The following CYP2C19 variants were observed in gnomAD, a reference collection of about 807,000 sequenced individuals.
CYP2C19 encodes the protein cytochrome P450 2C19.
In CYP2C19, 59 loss-of-function variants were observed where a neutral mutation model predicts 40.9. That is an observed-to-expected ratio of 1.44 (90% CI 1.17 to 1.79). The LOEUF is 1.79. CYP2C19 is among the 40% of genes most tolerant of loss of function. The pLI, the probability that CYP2C19 is intolerant of heterozygous loss-of-function variation, is 0.00. For missense variants in CYP2C19, 754 were observed against 596.9 expected, an observed-to-expected ratio of 1.26 and a Z score of -2.74; for synonymous variants, 253 against 208.7, an observed-to-expected ratio of 1.21 and a Z score of -1.83.
At chr10:94,825,432 T>G (rs1270274131) in intron 6 of CYP2C19, among the ~76,000 whole-genome samples, 1 of 150,694 alleles carries the variant, frequency 6.6e-6, no homozygotes, top group African/African-American at 2.5e-5. Flanking sequence ...TTTTCATGTG[T>G]TTTTTGACTG....
At position 94,771,058 on chromosome 10, in the gene CYP2C19, C is replaced by T. The variant is rs1374884186; in HGVS notation, c.169-4000C>T. ...TCTCCAAGTGAGATCGAAGGTTTGC[C>T]CTAGACCCTGTAGGACATCTATGTA... is the stretch of plus-strand genomic sequence containing the variant. On this transcript the variant is annotated intron_variant, in intron 1 of 8. Transcript: ENST00000371321. Among the ~76,000 whole-genome samples the T allele has an allele frequency of 2.6e-5, 4 of 152,066 alleles. No homozygotes were observed. In the South Asian group the frequency reaches 8.3e-4, roughly 31 times the overall value.
At position 94,842,820 on chromosome 10, in the gene CYP2C19, T is replaced by C. The variant is rs1849515786; in HGVS notation, c.962-17T>C. 6.2e-7 allele frequency: 1 copy of C among 1,613,750 alleles called. No homozygotes were observed. The highest frequency in any genetic ancestry group is 1.1e-5 in the South Asian group (1 of 91,082). ...ATTTCTCTCCTTTTCCATCAGTTCT[T>C]ACTTGTGTCTTGTCAGCTAAAGTCC... On this transcript the variant is annotated splice_polypyrimidine_tract_variant and intron_variant, in intron 6 of 8. Transcript: ENST00000371321.
chr10:94,849,909 G>A lies in CYP2C19; in HGVS notation c.1150-8G>A, dbSNP rs780346574. 5.6e-6 allele frequency: 9 copies of A among 1,613,398 alleles called. No homozygotes were observed. Among genetic ancestry groups the A allele is most frequent in the Non-Finnish European group, 7.6e-6 (9 of 1,179,636 alleles). On this transcript the variant is annotated splice_polypyrimidine_tract_variant and splice_region_variant and intron_variant, in intron 7 of 8. Coordinates refer to ENST00000371321, the MANE Select transcript of CYP2C19 (RefSeq NM_000769.4). Reference sequence around the variant, plus strand: ...ACAGCTCAGTTCACCTATGTCTCTTGTTTCTAGGGCACAACCATATTAACT... The same window carrying A: ...ACAGCTCAGTTCACCTATGTCTCTTATTTCTAGGGCACAACCATATTAACT...
chr10:94,842,040 T>A (rs1438719317), intron 6 of CYP2C19, among the ~76,000 whole-genome samples: 1 of 152,198 alleles, frequency 6.6e-6, no homozygotes, highest in Non-Finnish European at 1.5e-5. Flanking sequence ...GTTCAATATC[T>A]CCTTGTTGAT....
In CYP2C19 at chr10:94,803,706, G is replaced by A. The variant is rs1387062429; in HGVS notation, c.820-16790G>A. 3.3e-5 allele frequency among the ~76,000 whole-genome samples: 5 copies of A among 152,212 alleles called. No individual in the cohort carries two copies. The East Asian group carries it at 9.6e-4, about 29-fold the overall frequency. On this transcript the variant is annotated intron_variant, in intron 5 of 8. Coordinates refer to ENST00000371321, the MANE Select transcript of CYP2C19 (RefSeq NM_000769.4). ...CTTTGGCTCCAAGTACTCTGCAGGG[G>A]TAAGGGAGGGGAGAGTTGGTGGTGG... is the stretch of plus-strand genomic sequence containing the variant.
chr10:94,815,316 G>A (rs1426703860), intron 5 of CYP2C19, among the ~76,000 whole-genome samples: 2 of 152,174 alleles, frequency 1.3e-5, no homozygotes, highest in Admixed American at 6.5e-5. Context: ...ACTACACAAT[G>A]TTTAACATGA....
intron 6 of CYP2C19, among the ~76,000 whole-genome samples, chr10:94,820,883 A>G (rs1849109187): frequency 6.6e-6 from 1 of 152,192 alleles, no homozygotes; most frequent in African/African-American, 2.4e-5. Context: ...TAGGAGTTCA[A>G]GACCAGCCTG....
In CYP2C19 at chr10:94,837,300, G is replaced by T. The variant is rs565859915; in HGVS notation, c.962-5537G>T. Among the ~76,000 whole-genome samples, 46 of 152,238 alleles carry T rather than the reference G, an allele frequency of 3.0e-4. No homozygotes were observed. The East Asian group carries it at 8.1e-3, about 27-fold the overall frequency. On this transcript the variant is annotated intron_variant, in intron 6 of 8. Transcript: ENST00000371321. ...TAACAATCTTTTGGAGTCCTTGTTGGGCCTTGGGTCTGAGGGGGTGCTGCC... is the reference window on the plus strand; with the variant it reads ...TAACAATCTTTTGGAGTCCTTGTTGTGCCTTGGGTCTGAGGGGGTGCTGCC...
chr10:94,775,914 A>T (rs897090231), intron 3 of CYP2C19: 6 of 293,928 alleles, frequency 2.0e-5, no homozygotes, highest in East Asian at 8.5e-5. Flanking sequence ...ACAAGTGGAC[A>T]TGGTGGAAAT....
chr10:94,848,516 C>T (rs938037397), intron 7 of CYP2C19, among the ~76,000 whole-genome samples: 8 of 152,104 alleles, frequency 5.3e-5, no homozygotes, highest in East Asian at 1.9e-4. Flanking sequence ...TAGTGTGATG[C>T]CTCCAGCTTT....
chr10:94,768,452 T>A (rs1848278886), intron 1 of CYP2C19, among the ~76,000 whole-genome samples: 1 of 152,174 alleles, frequency 6.6e-6, no homozygotes, highest in East Asian at 1.9e-4. Flanking sequence ...GATACCTTGG[T>A]TCCCCATCCT....
rs183660007 is a variant in CYP2C19 at position 94,801,875 on chromosome 10, A to C, written c.820-18621A>C. ...GTTCGTGGTCTTGTTGACTTCAGAA[A>C]TGAAGCTGTGGACCTTTGTGGTGAG... is the stretch of plus-strand genomic sequence containing the variant. On this transcript the variant is annotated intron_variant, in intron 5 of 8. Transcript: ENST00000371321. 1.3e-3 allele frequency among the ~76,000 whole-genome samples: 202 copies of C among 152,294 alleles called. 2 individuals are homozygous for C. Among genetic ancestry groups the C allele is most frequent in the African/African-American group, 4.6e-3 (191 of 41,574 alleles).
chr10:94,810,038 G>A (rs192197914), intron 5 of CYP2C19, among the ~76,000 whole-genome samples: 13 of 152,162 alleles, frequency 8.5e-5, no homozygotes, highest in Admixed American at 2.6e-4. Flanking sequence ...CTGCCACCAC[G>A]CCTGGCTAAT....
intron 8 of CYP2C19, among the ~76,000 whole-genome samples, chr10:94,851,365 G>C (rs1385343397): frequency 1.3e-5 from 2 of 151,692 alleles, no homozygotes; most frequent in Non-Finnish European, 2.9e-5. Flanking sequence ...CCTTCTACCA[G>C]GTATCTCCCC....
chr10:94,817,785 G>A (rs1400163979), intron 5 of CYP2C19, among the ~76,000 whole-genome samples: 13 of 151,922 alleles, frequency 8.6e-5, no homozygotes, highest in African/African-American at 2.4e-4. Context: ...AGGCCGAGGC[G>A]GGCGGATCAC....
At position 94,775,516 on chromosome 10, in the gene CYP2C19, T is replaced by C. The variant is rs949607916; in HGVS notation, c.458T>C (p.Val153Ala). The stretch of plus-strand genomic sequence containing the variant: ...GTTCAAGAGGAAGCCCGCTGCCTTG[T>C]GGAGGAGTTGAGAAAAACCAAGGGT... ...DRVQEEARCL[V>A]EELRKTKASP... is the part of the protein sequence containing the mutation. Residue 153 changes from valine (V) to alanine (A), a missense_variant, in exon 3 of 9, where the codon GTG (valine) becomes GCG (alanine). Transcript: ENST00000371321. The C allele has an allele frequency of 4.3e-6, 7 of 1,613,864 alleles. No homozygotes were observed. The highest frequency in any genetic ancestry group is 1.3e-5 in the African/African-American group (1 of 74,930).
intron 6 of CYP2C19, among the ~76,000 whole-genome samples, chr10:94,832,503 C>T (rs375292923): frequency 6.6e-6 from 1 of 152,162 alleles, no homozygotes; most frequent in African/African-American, 2.4e-5. Context: ...TATTACAATT[C>T]AAGATGAGAT....
intron 6 of CYP2C19, among the ~76,000 whole-genome samples, chr10:94,832,205 T>C (rs571540334): frequency 7.0e-4 from 106 of 152,350 alleles, no homozygotes; most frequent in African/African-American, 2.2e-3. Flanking sequence ...TAGTCTGTTC[T>C]TATGCTTCTA....
intron 1 of CYP2C19, among the ~76,000 whole-genome samples, chr10:94,767,331 T>C (rs1192031703): frequency 1.3e-5 from 2 of 152,176 alleles, no homozygotes; most frequent in Non-Finnish European, 2.9e-5. Context: ...CCTAAGTTAT[T>C]ATGGCTTTAA....
Sources: allele counts gnomAD v4.1 joint callset (sites outside exome capture counted in the v4.1 genomes callset), GRCh38; gene constraint gnomAD v4.1.1; transcripts MANE v1.5; gene names NCBI Gene and HGNC (gene_info 2026-07-23, HGNC 2026-07-21).